Variants in HPGDS observed in about 807,000 individuals in gnomAD.
HPGDS encodes hematopoietic prostaglandin D synthase.
In HPGDS, 26 loss-of-function variants were observed where a neutral mutation model predicts 23.1. The observed-to-expected ratio is 1.13, with a 90% confidence interval of 0.83 to 1.56. The LOEUF is 1.56. Ranked by LOEUF, HPGDS falls within the 40% of genes most tolerant of loss-of-function variation. HPGDS has a pLI of 0.00. For missense variants in HPGDS, 268 were observed against 236.4 expected, an observed-to-expected ratio of 1.13 and a Z score of -0.88; for synonymous variants, 95 against 77.9, an observed-to-expected ratio of 1.22 and a Z score of -1.16.
At position 94,334,486 on chromosome 4, in the gene HPGDS, T is replaced by G. The variant is rs2289186; in HGVS notation, c.133+11A>C. 955,327 of 1,565,838 alleles carry G rather than the reference T, an allele frequency of 0.61. 298,264 individuals carry two copies. The highest frequency in any genetic ancestry group is 0.77 in the African/African-American group (56,148 of 72,706). On this transcript the variant is annotated intron_variant, in intron 2 of 5. Coordinates refer to ENST00000295256, the MANE Select transcript of HPGDS (RefSeq NM_014485.3). ...CATATTTTTCCTACATTTATTATTT[T>G]TGCTACTTACTTGATTTGATTTCAG...
chr4:94,325,557 G>C (rs548390678), intron 2 of HPGDS, among the ~76,000 whole-genome samples: 1 of 152,314 alleles, frequency 6.6e-6, no homozygotes, highest in African/African-American at 2.4e-5. Flanking sequence ...CAAGCAGTGA[G>C]CAAGGCTCCG....
At chr4:94,322,037 T>C (rs1756521885) in intron 2 of HPGDS, among the ~76,000 whole-genome samples, 1 of 152,186 alleles carries the variant, frequency 6.6e-6, no homozygotes, top group Admixed American at 6.5e-5. Context: ...GGTTTTTGTC[T>C]TTGGTTCTGT....
rs777318957 is a variant in HPGDS, at chr4:94,302,181, A to G, written c.400T>C (p.Tyr134His). ...ATAAGCCATTCTCTCCCCCCTAAAT[A>G]TGTGTCCAAGTCTTGCATAAGATGA... is the stretch of plus-strand genomic sequence containing the variant. Reference protein sequence around the residue: ...APHLMQDLDTYLGGREWLIGN... With the variant: ...APHLMQDLDTHLGGREWLIGN... Residue 134 changes from tyrosine to histidine, a missense_variant, in exon 5 of 6, where the codon TAT becomes CAT. Coordinates refer to ENST00000295256, the MANE Select transcript of HPGDS (RefSeq NM_014485.3). 4 of 1,612,164 alleles carry G rather than the reference A, an allele frequency of 2.5e-6. No individual in the cohort carries two copies. The South Asian group carries it at 3.3e-5, about 13-fold the overall frequency.
chr4:94,321,971 G>C (rs1451126265), intron 2 of HPGDS, among the ~76,000 whole-genome samples: 2 of 152,192 alleles, frequency 1.3e-5, no homozygotes, highest in African/African-American at 4.8e-5. Flanking sequence ...TTTTTAGCAT[G>C]AAGGGCTGTT....
chr4:94,323,953 T>C (rs988959260), intron 2 of HPGDS, among the ~76,000 whole-genome samples: 13 of 152,306 alleles, frequency 8.5e-5, no homozygotes, highest in Non-Finnish European at 1.3e-4. Flanking sequence ...TAAGCAGACC[T>C]GGTATTGACA....
chr4:94,310,843 G>A (rs189427547), intron 3 of HPGDS, among the ~76,000 whole-genome samples: 14 of 152,164 alleles, frequency 9.2e-5, no homozygotes, highest in Admixed American at 3.3e-4. Flanking sequence ...CCTTAAAGAG[G>A]TCCTTCACAT....
rs1211876434 is a variant in HPGDS, at chr4:94,336,324, A to G, written c.-9-1686T>C. On this transcript the variant is annotated intron_variant, in intron 1 of 5. Coordinates refer to ENST00000295256, the MANE Select transcript of HPGDS (RefSeq NM_014485.3). The stretch of plus-strand genomic sequence containing the variant: ...TTATATATTCCTGGAGTCTAGTGGG[A>G]AGAGGATGACCTGGAAATAACTGGT... Among the ~76,000 whole-genome samples, 4 of 152,292 alleles carry G rather than the reference A, an allele frequency of 2.6e-5. No individual in the cohort carries two copies. In the East Asian group the frequency reaches 7.7e-4, roughly 29 times the overall value.
At chr4:94,334,664 AT>A in intron 1 of HPGDS, 26 bp from the exon 2 acceptor site, 1 of 1,602,012 alleles carries the variant, frequency 6.2e-7, no homozygotes, top group Non-Finnish European at 8.5e-7. Flanking sequence ...GGGAGGGATT[AT>A]TTTAAGAGCC....
intron 2 of HPGDS, among the ~76,000 whole-genome samples, chr4:94,324,675 G>T (rs966553342): frequency 6.6e-6 from 1 of 151,992 alleles, no homozygotes; most frequent in East Asian, 1.9e-4. Flanking sequence ...TTTTTTCAAG[G>T]TTTCAGCTTC....
At chr4:94,340,263 T>G in intron 1 of HPGDS, among the ~76,000 whole-genome samples, 1 of 27,310 alleles carries the variant, frequency 3.7e-5, no homozygotes, top group African/African-American at 1.4e-4. Context: ...GTCTAAACCT[T>G]TCTTTCTTTC....
At chr4:94,314,557 G>T (rs939010409) in intron 3 of HPGDS, among the ~76,000 whole-genome samples, 8 of 152,304 alleles carry the variant, frequency 5.3e-5, no homozygotes, top group South Asian at 2.1e-4. Flanking sequence ...CTACTCGGGG[G>T]TGCCTCCCAG....
chr4:94,322,498 T>G (rs564333995), intron 2 of HPGDS, among the ~76,000 whole-genome samples: 1 of 152,356 alleles, frequency 6.6e-6, no homozygotes, highest in Admixed American at 6.5e-5. Flanking sequence ...GGGGAAGGTG[T>G]ATGTGTCCAG....
chr4:94,337,285 G>A (rs1015176083), intron 1 of HPGDS, among the ~76,000 whole-genome samples: 6 of 151,608 alleles, frequency 4.0e-5, no homozygotes, highest in Non-Finnish European at 8.8e-5. Flanking sequence ...GCTTCTATTT[G>A]AAAAGCATTC....
chr4:94,311,099 TC>T (rs1231659005), intron 3 of HPGDS, among the ~76,000 whole-genome samples: 2 of 152,208 alleles, frequency 1.3e-5, no homozygotes, highest in Admixed American at 1.3e-4. Flanking sequence ...CAATTTGACT[TC>T]CCCTTTTCCT....
intron 1 of HPGDS, among the ~76,000 whole-genome samples, chr4:94,337,215 C>T (rs997405541): frequency 1.0e-3 from 155 of 152,222 alleles, no homozygotes; most frequent in Middle Eastern, 6.8e-3. Context: ...AGGTAATCCA[C>T]CCCCCTTGGC....
intron 2 of HPGDS, among the ~76,000 whole-genome samples, chr4:94,319,040 G>A (rs1043291671): frequency 6.6e-6 from 1 of 152,124 alleles, no homozygotes; most frequent in Non-Finnish European, 1.5e-5. Flanking sequence ...GTAAATGTCT[G>A]TTAGGTCCAT....
intron 4 of HPGDS, among the ~76,000 whole-genome samples, chr4:94,305,762 T>C (rs1305585332): frequency 6.6e-6 from 1 of 152,100 alleles, no homozygotes; most frequent in Non-Finnish European, 1.5e-5. Flanking sequence ...GAAACTCTTG[T>C]TTTCTTACTT....
Position 94,340,311 on chromosome 4 carries a change from C to CTTTCTTTTTCTTTTCTTTTTTTTTTTT in HPGDS, c.-10+2483_-10+2484insAAAAAAAAAAAAGAAAAGAAAAAGAAA. 2.5e-4 allele frequency among the ~76,000 whole-genome samples: 6 copies of CTTTCTTTTTCTTTTCTTTTTTTTTTTT among 23,686 alleles called. 1 individual carries two copies. Among genetic ancestry groups the CTTTCTTTTTCTTTTCTTTTTTTTTTTT allele is most frequent in the Admixed American group, 6.1e-4 (1 of 1,634 alleles). The allele number at this position is 23,686 out of a possible 152,430, so 15.5% of individuals were successfully genotyped here. On this transcript the variant is annotated intron_variant, in intron 1 of 5. Transcript: ENST00000295256. ...TTTCTTTCTTTCTTTCTTTCTTTCT[C>CTTTCTTTTTCTTTTCTTTTTTTTTTTT]TTTTTTTTTTTTTTTTTTTTTTTTT...
Position 94,317,912 on chromosome 4 carries a change from G to A in HPGDS, c.187C>T (p.Gln63Ter), listed in dbSNP as rs756383864. 6.2e-7 allele frequency: 1 copy of A among 1,612,128 alleles called. No individual in the cohort carries two copies. The highest frequency in any genetic ancestry group is 8.5e-7 in the Non-Finnish European group (1 of 1,178,930). ...ILEVDGLTLH[Q>*]SLAIARYLTK... is the part of the protein sequence containing the mutation. ...AAATATCTTGCTATTGCTAGGCTCT[G>A]GTGAAGAGTAAGTCCATCAACTTCC... The change falls in exon 3 of 6, where the codon CAG becomes TAG. Residue 63 changes from glutamine to a stop codon, truncating the protein, a stop_gained. Coordinates refer to ENST00000295256, the MANE Select transcript of HPGDS (RefSeq NM_014485.3). LOFTEE classifies it high-confidence loss of function.
Sources: gnomAD v4.1 joint callset for allele counts (sites outside exome capture counted in the v4.1 genomes callset) on GRCh38, gnomAD v4.1.1 for gene constraint, MANE v1.5 for transcripts, NCBI Gene and HGNC (gene_info 2026-07-23, HGNC 2026-07-21) for gene names.